Variants in RYR3 observed in about 807,000 individuals in gnomAD.
RYR3 encodes ryanodine receptor 3.
RYR3 carries 207 observed loss-of-function variants against 584.3 expected under a neutral mutation model. The observed-to-expected ratio is 0.35, with a 90% CI of 0.32 to 0.40. The LOEUF (loss-of-function observed/expected upper bound fraction) is 0.40, where lower values mean the gene tolerates loss of function less well. Ranked by LOEUF, RYR3 falls within the 10% of genes least tolerant of loss-of-function variation. The pLI is 1.00. For synonymous variants in RYR3, 2,416 were observed against 2,248.5 expected (o/e 1.07, Z -2.11); for missense variants, 5,616 against 6,089.2 (o/e 0.92, Z 2.59).
In RYR3 at chr15:33,861,058, C is replaced by G. The variant is rs988958973; in HGVS notation, c.14365-20C>G. ...TATATTATGCCAACAAATGCCTTTT[C>G]TGCCTGTTATTTTTCTTAGACTAAA... On this transcript the variant is annotated intron_variant, in intron 101 of 103. Coordinates refer to ENST00000634891, the MANE Select transcript of RYR3 (RefSeq NM_001036.6). 3.2e-6 allele frequency: 5 copies of G among 1,538,946 alleles called. No individual in the cohort carries two copies. Among genetic ancestry groups the G allele is most frequent in the South Asian group, 1.2e-5 (1 of 84,410 alleles).
intron 2 of RYR3, among the ~76,000 whole-genome samples, chr15:33,491,275 C>G (rs1159862559): frequency 6.6e-6 from 1 of 152,214 alleles, no homozygotes; most frequent in African/African-American, 2.4e-5. Context: ...TACCCACATT[C>G]TGTCCTAGGT....
In RYR3 at chr15:33,660,214, A is replaced by T. The variant is rs967779289; in HGVS notation, c.4413A>T (p.Ser1471=). The stretch of plus-strand genomic sequence containing the variant: ...TGCCCCAGAACGCAATGCCCCTGTC[A>T]GCGGCCATATTCAGGAGTGAAGAGA... ...LGKLKNAMPL[S]AAIFRSEEKN... is the part of the protein sequence containing the mutation. The change falls in exon 34 of 104, where the codon TCA becomes TCT. Residue 1471 remains serine (S), a synonymous_variant. Transcript: ENST00000634891. 2.2e-5 allele frequency: 34 copies of T among 1,551,968 alleles called. No individual in the cohort carries two copies. Among genetic ancestry groups the T allele is most frequent in the Non-Finnish European group, 2.9e-5 (33 of 1,147,194 alleles).
intron 38 of RYR3, among the ~76,000 whole-genome samples, chr15:33,678,764 A>G (rs1178210991): frequency 3.9e-5 from 6 of 152,230 alleles, no homozygotes; most frequent in African/African-American, 1.4e-4. Context: ...TCTGACAGCC[A>G]GTGCCTGTTC....
At chr15:33,634,789 T>C in intron 25 of RYR3, 56 bp downstream of exon 25, 1 of 1,483,514 alleles carries the variant, frequency 6.7e-7, no homozygotes, top group Non-Finnish European at 9.4e-7. Context: ...GTCCTCTTCT[T>C]GGGGCATCCT....
chr15:33,426,170 G>A (rs2044642865), intron 1 of RYR3, among the ~76,000 whole-genome samples: 1 of 152,208 alleles, frequency 6.6e-6, no homozygotes, highest in Non-Finnish European at 1.5e-5. Flanking sequence ...TAAAGTAGAT[G>A]TAAAACTTAC....
chr15:33,452,567 C>T (rs1160821134), intron 1 of RYR3, among the ~76,000 whole-genome samples: 1 of 152,056 alleles, frequency 6.6e-6, no homozygotes, highest in Non-Finnish European at 1.5e-5. Flanking sequence ...TAACAAAATG[C>T]CAATATCTAC....
At chr15:33,790,502 C>G (rs74008310) in intron 67 of RYR3, among the ~76,000 whole-genome samples, 1 of 152,038 alleles carries the variant, frequency 6.6e-6, no homozygotes, top group African/African-American at 2.4e-5. Flanking sequence ...GGAAGAATGG[C>G]CTTTTTAGCA....
chr15:33,798,676 G>C (rs1039149932), intron 67 of RYR3, among the ~76,000 whole-genome samples: 1 of 152,214 alleles, frequency 6.6e-6, no homozygotes, highest in East Asian at 1.9e-4. Context: ...GCAGGGCATA[G>C]TTCCACCCTG....
chr15:33,834,990 A>G lies in RYR3; in HGVS notation c.11486A>G (p.Gln3829Arg), dbSNP rs748444361. The G allele has an allele frequency of 6.2e-7, 1 of 1,614,038 alleles. No homozygotes were observed. Among genetic ancestry groups the G allele is most frequent in the Non-Finnish European group, 8.5e-7 (1 of 1,179,890 alleles). Reference sequence around the variant, plus strand: ...CAGGGCCCTTGCATTGGTAATCAACAGAGCCTGGCTCACAGCAGGCTGTGG... The same window carrying G: ...CAGGGCCCTTGCATTGGTAATCAACGGAGCCTGGCTCACAGCAGGCTGTGG... Reference protein sequence around the residue: ...YIQGPCIGNQQSLAHSRLWDA... With the variant: ...YIQGPCIGNQRSLAHSRLWDA... Residue 3829 changes from glutamine (Q) to arginine (R), a missense_variant, in exon 87 of 104, where the codon CAG becomes CGG. Gln to Arg is a conservative substitution (Grantham distance 43). Around this residue, in one of 9 missense-constraint regions of RYR3, gnomAD observed 954 missense variants for 1,132.2 expected, o/e 0.84. Coordinates refer to ENST00000634891, the MANE Select transcript of RYR3 (RefSeq NM_001036.6).
chr15:33,569,964 G>T, intron 12 of RYR3, among the ~76,000 whole-genome samples: 1 of 151,894 alleles, frequency 6.6e-6, no homozygotes, highest in East Asian at 1.9e-4. Context: ...AGAGTTCTTT[G>T]TACCTTCTGA....
intron 9 of RYR3, 80 bp from the exon 10 acceptor site, chr15:33,550,080 G>A: frequency 1.4e-6 from 2 of 1,413,620 alleles, no homozygotes; most frequent in African/African-American, 1.4e-5. Flanking sequence ...CTGCTAGCAT[G>A]TGTAAGAAAG....
chr15:33,541,204 A>T (rs572222942), intron 7 of RYR3, among the ~76,000 whole-genome samples: 17 of 152,134 alleles, frequency 1.1e-4, no homozygotes, highest in African/African-American at 3.4e-4. Context: ...ATTTTTGCTT[A>T]CTAGTTGTAA....
intron 10 of RYR3, among the ~76,000 whole-genome samples, chr15:33,551,300 T>C (rs1348397891): frequency 6.6e-6 from 1 of 152,214 alleles, no homozygotes; most frequent in Non-Finnish European, 1.5e-5. Flanking sequence ...CATTCTTTGC[T>C]CTTTTCCAGA....
intron 2 of RYR3, among the ~76,000 whole-genome samples, chr15:33,499,589 G>A (rs1193961990): frequency 3.3e-5 from 5 of 152,086 alleles, no homozygotes; most frequent in Non-Finnish European, 5.9e-5. Flanking sequence ...TTTTGGATAT[G>A]CTTGACATTT....
At chr15:33,419,296 A>G (rs1009860940) in intron 1 of RYR3, among the ~76,000 whole-genome samples, 1 of 152,288 alleles carries the variant, frequency 6.6e-6, no homozygotes, top group African/African-American at 2.4e-5. Context: ...GGCCAAGCAC[A>G]TTGAAATTCT....
intron 38 of RYR3, among the ~76,000 whole-genome samples, chr15:33,691,994 G>A (rs558813920): frequency 1.7e-4 from 26 of 152,294 alleles, no homozygotes; most frequent in African/African-American, 5.5e-4. Context: ...GGTATCTAAA[G>A]GGTCTTGGGC....
At position 33,634,578 on chromosome 15, in the gene RYR3, T is replaced by A. The variant is rs746777116; in HGVS notation, c.3028-8T>A. 25 of 1,613,664 alleles carry A rather than the reference T, an allele frequency of 1.5e-5. No homozygotes were observed. The Admixed American group carries it at 4.2e-4, about 27-fold the overall frequency. The stretch of plus-strand genomic sequence containing the variant: ...TTCTTGGCACCTTTTTTCTCTGGCG[T>A]CACATAGGATTTGAAGAACAAAAGA... On this transcript the variant is annotated splice_region_variant and splice_polypyrimidine_tract_variant and intron_variant, in intron 24 of 103. Transcript: ENST00000634891.
At chr15:33,846,587 T>G (rs1483239289) in intron 93 of RYR3, among the ~76,000 whole-genome samples, 1 of 152,202 alleles carries the variant, frequency 6.6e-6, no homozygotes, top group Non-Finnish European at 1.5e-5. Context: ...GGAAATACTT[T>G]CCTATATTGT....
At chr15:33,357,435 C>T (rs1030327743) in intron 1 of RYR3, among the ~76,000 whole-genome samples, 1 of 152,142 alleles carries the variant, frequency 6.6e-6, no homozygotes. Flanking sequence ...CCCTTTGTCA[C>T]CCTCACCTGT....
Sources: gnomAD v4.1 joint callset for allele counts (sites outside exome capture counted in the v4.1 genomes callset) on GRCh38, gnomAD v4.1.1 for gene constraint, gnomAD v4.1.1 regional missense constraint, MANE v1.5 for transcripts, NCBI Gene and HGNC (gene_info 2026-07-23, HGNC 2026-07-21) for gene names.